The following CYP7B1 variants were observed in gnomAD, a reference collection of about 807,000 sequenced individuals.
CYP7B1 encodes the protein cytochrome P450 7B1.
A neutral mutation model predicts 42.7 loss-of-function variants in CYP7B1; 29 were observed. That is an observed-to-expected ratio of 0.68 (90% CI 0.51 to 0.93). CYP7B1 has a LOEUF of 0.93. Among genes scored for constraint, CYP7B1 ranks in the 40% least tolerant of loss-of-function variants. CYP7B1 has a pLI of 0.00. For synonymous variants in CYP7B1, 235 were observed against 218.2 expected (o/e 1.08, Z -0.68); for missense variants, 655 against 600.5 (o/e 1.09, Z -0.95).
chr8:64,685,046 A>G (rs1806598917), intron 1 of CYP7B1, among the ~76,000 whole-genome samples: 1 of 152,236 alleles, frequency 6.6e-6, no homozygotes, highest in Non-Finnish European at 1.5e-5. Flanking sequence ...CAATAATACC[A>G]AATGACCCAG....
At chr8:64,707,532 T>C (rs1807018204) in intron 1 of CYP7B1, among the ~76,000 whole-genome samples, 1 of 152,096 alleles carries the variant, frequency 6.6e-6, no homozygotes, top group South Asian at 2.1e-4. Context: ...ACATGACATG[T>C]AATCAAAAGC....
rs540578806 is a variant in CYP7B1 at position 64,665,559 on chromosome 8, GTTTTTTTTTTTTTTTTTTT to G, written c.123-41039_123-41021del. Among the ~76,000 whole-genome samples the G allele has an allele frequency of 4.0e-4, 21 of 52,042 alleles. No individual in the cohort carries two copies. The East Asian group carries it at 0.012, about 31-fold the overall frequency. 34.1% of individuals were successfully genotyped at this position (52,042 alleles called of 152,430 possible). ...ATTTTAAGTGTTTTTTTTTTTGGTG[GTTTTTTTTTTTTTTTTTTT>G]TTTTTTTTTTTTTTTGAGACGGAGT... is the stretch of plus-strand genomic sequence containing the variant. On this transcript the variant is annotated intron_variant, in intron 1 of 5. Coordinates refer to ENST00000310193, the MANE Select transcript of CYP7B1 (RefSeq NM_004820.5).
rs1350527806 is a variant in CYP7B1 at position 64,604,764 on chromosome 8, T to C, written c.1151A>G (p.Asp384Gly). Residue 384 changes from aspartate to glycine, a missense_variant, in exon 5 of 6, where the codon GAC becomes GGC. By Grantham distance (94) the Asp-to-Gly change is moderately conservative (BLOSUM62 -1). Transcript: ENST00000310193. ...CAAGTCTCCCTTTCGCACACAGTAG[T>C]CCCCGGTCTCTGAACTGAGAGTCAA... Reference protein sequence around the residue: ...EDLTLSSETGDYCVRKGDLVA... With the variant: ...EDLTLSSETGGYCVRKGDLVA... The C allele has an allele frequency of 6.2e-7, 1 of 1,613,996 alleles. No individual in the cohort carries two copies. The highest frequency in any genetic ancestry group is 1.3e-5 in the African/African-American group (1 of 74,910).
At chr8:64,770,315 G>T (rs912377568) in intron 1 of CYP7B1, among the ~76,000 whole-genome samples, 1 of 152,160 alleles carries the variant, frequency 6.6e-6, no homozygotes, top group South Asian at 2.1e-4. Context: ...AGATCTTAGA[G>T]TTCCCAGAAA....
intron 1 of CYP7B1, among the ~76,000 whole-genome samples, chr8:64,675,877 G>A (rs1487469008): frequency 6.6e-6 from 1 of 152,092 alleles, no homozygotes. Context: ...GTCCTTAGAG[G>A]TCTATGATAT....
intron 4 of CYP7B1, 100 bp from the exon 5 acceptor site, chr8:64,604,957 A>G (rs1468905021): frequency 1.5e-6 from 2 of 1,323,844 alleles, no homozygotes; most frequent in East Asian, 2.5e-5. Flanking sequence ...CTTGATTGAA[A>G]AGGAAACTGT....
chr8:64,727,335 A>G (rs1383454590), intron 1 of CYP7B1, among the ~76,000 whole-genome samples: 3 of 152,212 alleles, frequency 2.0e-5, no homozygotes, highest in Non-Finnish European at 1.5e-5. Context: ...TTTCCAAATG[A>G]CATAATTCCC....
rs1169065484 is a variant in CYP7B1 at position 64,685,142 on chromosome 8, C to T, written c.123-60603G>A. 2.0e-5 allele frequency among the ~76,000 whole-genome samples: 3 copies of T among 152,196 alleles called. No individual in the cohort carries two copies. In the East Asian group the frequency reaches 5.8e-4, roughly 29 times the overall value. On this transcript the variant is annotated intron_variant, in intron 1 of 5. Transcript: ENST00000310193. ...AACAAATGTTAATATTAACATTAGG[C>T]AGTCTTTGCCGCCCCGCCGGCGAGC...
At position 64,601,496 on chromosome 8, in the gene CYP7B1, C is replaced by T. The variant is rs953026580; in HGVS notation, c.1233+3186G>A. On this transcript the variant is annotated intron_variant, in intron 5 of 5. Transcript: ENST00000310193. ...TCTCTATGGAGCTTCTCTATAGCTCCGGTTCTGTATCTTGCATTGTGGCAG... is the reference window on the plus strand; with the variant it reads ...TCTCTATGGAGCTTCTCTATAGCTCTGGTTCTGTATCTTGCATTGTGGCAG... 9.9e-5 allele frequency among the ~76,000 whole-genome samples: 15 copies of T among 152,212 alleles called. 1 individual carries two copies. Among genetic ancestry groups the T allele is most frequent in the Admixed American group, 8.5e-4 (13 of 15,284 alleles).
At chr8:64,670,080 A>G (rs4486246) in intron 1 of CYP7B1, among the ~76,000 whole-genome samples, 96,120 of 152,110 alleles carry the variant, frequency 0.63, 30,548 homozygotes, top group Middle Eastern at 0.67. Flanking sequence ...CAATTGGCTT[A>G]ATGCCACACC....
chr8:64,707,598 A>G (rs906939397), intron 1 of CYP7B1, among the ~76,000 whole-genome samples: 6 of 152,058 alleles, frequency 3.9e-5, no homozygotes, highest in Non-Finnish European at 7.4e-5. Flanking sequence ...TCCCTCCCCA[A>G]TTACTAACAT....
intron 1 of CYP7B1, among the ~76,000 whole-genome samples, chr8:64,733,880 G>C (rs985688871): frequency 2.0e-5 from 3 of 152,024 alleles, no homozygotes; most frequent in African/African-American, 7.2e-5. Flanking sequence ...TAAGGAAGGA[G>C]GATTGCTTGA....
At chr8:64,626,689 T>G (rs1264833884) in intron 1 of CYP7B1, among the ~76,000 whole-genome samples, 1 of 152,196 alleles carries the variant, frequency 6.6e-6, no homozygotes, top group Non-Finnish European at 1.5e-5. Context: ...ATTTATTTGG[T>G]GAACTCAATC....
chr8:64,662,073 T>G (rs1215601411), intron 1 of CYP7B1, among the ~76,000 whole-genome samples: 5 of 151,952 alleles, frequency 3.3e-5, no homozygotes, highest in Non-Finnish European at 4.4e-5. Flanking sequence ...GCTAGTCACT[T>G]TGCTTTCAAC....
At chr8:64,630,080 C>T (rs1805667365) in intron 1 of CYP7B1, among the ~76,000 whole-genome samples, 1 of 152,130 alleles carries the variant, frequency 6.6e-6, no homozygotes, top group African/African-American at 2.4e-5. Context: ...TCTGAGAAGG[C>T]ACCCTGGGGA....
intron 1 of CYP7B1, among the ~76,000 whole-genome samples, chr8:64,696,565 G>A (rs566032913): frequency 1.3e-5 from 2 of 152,294 alleles, no homozygotes; most frequent in East Asian, 3.9e-4. Flanking sequence ...GAAAGGAAAT[G>A]AGAAGCCAGC....
chr8:64,605,417 G>A (rs1212022343), intron 4 of CYP7B1, among the ~76,000 whole-genome samples: 1 of 152,098 alleles, frequency 6.6e-6, no homozygotes, highest in Non-Finnish European at 1.5e-5. Flanking sequence ...ATTTTTAGAG[G>A]ATTCAGAAGA....
chr8:64,760,023 T>C (rs1335629299), intron 1 of CYP7B1, among the ~76,000 whole-genome samples: 1 of 152,128 alleles, frequency 6.6e-6, no homozygotes, highest in Non-Finnish European at 1.5e-5. Flanking sequence ...TAATAATTCA[T>C]AATCAAAATT....
chr8:64,778,755 C>T (rs534896602), intron 1 of CYP7B1, among the ~76,000 whole-genome samples: 2 of 152,074 alleles, frequency 1.3e-5, no homozygotes, highest in African/African-American at 2.4e-5. Flanking sequence ...GTGACTCTTG[C>T]CTGGCTACTA....
Sources: allele counts gnomAD v4.1 joint callset (sites outside exome capture counted in the v4.1 genomes callset), GRCh38; gene constraint gnomAD v4.1.1; transcripts MANE v1.5; gene names NCBI Gene and HGNC (gene_info 2026-07-23, HGNC 2026-07-21).